ANKUB1: variants seen among roughly 807,000 people sequenced by gnomAD.
ANKUB1 encodes the protein protein ANKUB1.
In ANKUB1, 42 loss-of-function variants were observed where a neutral mutation model predicts 49.3. That is an observed-to-expected ratio of 0.85 (90% confidence interval 0.67 to 1.10). ANKUB1 has a LOEUF of 1.10. ANKUB1 is among the 50% of genes least tolerant of loss of function. The pLI is 0.00. For synonymous variants in ANKUB1, 222 were observed against 231.0 expected, an observed-to-expected ratio of 0.96 and a Z score of 0.35; for missense variants, 613 against 642.0, an observed-to-expected ratio of 0.95 and a Z score of 0.49.
rs1447071454 is a variant in ANKUB1, at chr3:149,770,734, A to G, written c.452-60T>C. 5.8e-6 allele frequency: 6 copies of G among 1,026,368 alleles called. No individual in the cohort carries two copies. In the East Asian group the frequency reaches 1.7e-4, roughly 29 times the overall value. The allele number at this position is 1,026,368 out of a possible 1,614,324, so 63.6% of individuals were successfully genotyped here. On this transcript the variant is annotated intron_variant, in intron 3 of 5. Coordinates refer to ENST00000446160, the MANE Select transcript of ANKUB1 (RefSeq NM_001144960.3). ...CCAGCAGTGTGGTTTGACAATCCATAAAACTTCTAATGGTAGCTTTCCCCA... is the reference window on the plus strand; with the variant it reads ...CCAGCAGTGTGGTTTGACAATCCATGAAACTTCTAATGGTAGCTTTCCCCA...
rs1397302252 is a variant in ANKUB1, at chr3:149,768,050, G to A, written c.612C>T (p.Tyr204=). 2.1e-6 allele frequency: 3 copies of A among 1,453,936 alleles called. No homozygotes were observed. Among genetic ancestry groups the A allele is most frequent in the Admixed American group, 2.7e-5 (1 of 36,546 alleles). 90.1% of individuals were successfully genotyped at this position (1,453,936 alleles called of 1,614,324 possible). ...VALYIAAFCG[Y]IELTEWALKQ... ...TCAGGGCCCATTCAGTGAGTTCAATGTACCCACAAAAAGCAGCAATGTACA... is the reference window on the plus strand; with the variant it reads ...TCAGGGCCCATTCAGTGAGTTCAATATACCCACAAAAAGCAGCAATGTACA... Residue 204 remains tyrosine (Y), a synonymous_variant, in exon 5 of 6, where the codon TAC becomes TAT. Coordinates refer to ENST00000446160, the MANE Select transcript of ANKUB1 (RefSeq NM_001144960.3).
At chr3:149,777,771 C>T (rs1288620947) in intron 3 of ANKUB1, among the ~76,000 whole-genome samples, 4 of 152,230 alleles carry the variant, frequency 2.6e-5, no homozygotes, top group African/African-American at 9.6e-5. Context: ...TACATGCCTT[C>T]AGCCTGCATT....
At chr3:149,790,476 T>C (rs533487475) in intron 2 of ANKUB1, among the ~76,000 whole-genome samples, 1 of 152,278 alleles carries the variant, frequency 6.6e-6, no homozygotes, top group South Asian at 2.1e-4. Context: ...CACATCAAAA[T>C]TCCAGATCTG....
Position 149,761,491 on chromosome 3 carries a change from A to C in ANKUB1, c.1628T>G (p.Val543Gly), listed in dbSNP as rs1367736962. 1.3e-6 allele frequency: 2 copies of C among 1,551,334 alleles called. No individual in the cohort carries two copies. The highest frequency in any genetic ancestry group is 1.4e-5 in the African/African-American group (1 of 73,156). The stretch of plus-strand genomic sequence containing the variant: ...TGAAGTTGTCATGACTTTTCAAAGC[A>C]CAGTTTCTAGAGAGTTTTCACACGC... The part of the protein sequence containing the change: ...LTACENSLET[V>G]L Residue 543 changes from valine to glycine, a missense_variant, in exon 6 of 6, where the codon GTG (valine) becomes GGG (glycine). Val to Gly is a moderately radical substitution (Grantham distance 109). Transcript: ENST00000446160.
At chr3:149,765,822 A>G (rs1437552314) in intron 5 of ANKUB1, among the ~76,000 whole-genome samples, 1 of 152,238 alleles carries the variant, frequency 6.6e-6, no homozygotes, top group Non-Finnish European at 1.5e-5. Flanking sequence ...AGTCAGAGAT[A>G]TCTCACAAAT....
intron 2 of ANKUB1, among the ~76,000 whole-genome samples, chr3:149,789,654 G>T (rs919695141): frequency 6.7e-6 from 1 of 149,196 alleles, no homozygotes; most frequent in African/African-American, 2.5e-5. Flanking sequence ...TTCCGAGATG[G>T]GGTCTCACTC....
intron 3 of ANKUB1, chr3:149,779,461 A>T (rs1433223449): frequency 1.3e-5 from 2 of 152,182 alleles, no homozygotes; most frequent in Non-Finnish European, 2.9e-5. Flanking sequence ...ATGAATCACT[A>T]GTCACTATGC....
intron 3 of ANKUB1, 54 bp downstream of exon 3, chr3:149,780,185 A>G (rs1365632826): frequency 6.9e-7 from 1 of 1,455,728 alleles, no homozygotes; most frequent in South Asian, 1.2e-5. Context: ...AAAATCTGGT[A>G]TCAAAGGACC....
chr3:149,779,982 T>G, intron 3 of ANKUB1: 1 of 466,068 alleles, frequency 2.1e-6, no homozygotes, highest in South Asian at 3.1e-5. Flanking sequence ...TTCAAAACAA[T>G]AATGGTTGCC....
rs1378188289 is a variant in ANKUB1 at position 149,770,608 on chromosome 3, T to A, written c.518A>T (p.Gln173Leu). Residue 173 changes from glutamine to leucine, a missense_variant, in exon 4 of 6, where the codon CAA becomes CTA. Coordinates refer to ENST00000446160, the MANE Select transcript of ANKUB1 (RefSeq NM_001144960.3). ...KEFLMGCLLGQKLKVQRYLSK... is the reference protein window; with the variant it reads ...KEFLMGCLLGLKLKVQRYLSK... ...TAAGTAGCGTTGGACTTTAAGTTTT[T>A]GTCCAAGGAGACAACCCATCAGAAA... The A allele has an allele frequency of 6.5e-7, 1 of 1,550,342 alleles. No individual in the cohort carries two copies. The highest frequency in any genetic ancestry group is 8.7e-7 in the Non-Finnish European group (1 of 1,146,536).
intron 5 of ANKUB1, 110 bp downstream of exon 5, chr3:149,767,047 A>G: frequency 8.6e-7 from 1 of 1,157,888 alleles, no homozygotes; most frequent in Non-Finnish European, 1.2e-6. Flanking sequence ...GATGCACTGG[A>G]ACAACTTGTA....
intron 2 of ANKUB1, among the ~76,000 whole-genome samples, chr3:149,787,801 T>A (rs888485932): frequency 6.6e-6 from 1 of 152,200 alleles, no homozygotes; most frequent in Non-Finnish European, 1.5e-5. Context: ...TCTTTCTCTG[T>A]TTTTCACACA....
chr3:149,767,252 A>C lies in ANKUB1; in HGVS notation c.1410T>G (p.Ser470Arg), dbSNP rs1453571267. 2 of 1,551,652 alleles carry C rather than the reference A, an allele frequency of 1.3e-6. No homozygotes were observed. Among genetic ancestry groups the C allele is most frequent in the East Asian group, 2.4e-5 (1 of 40,928 alleles). ...AGGAGGACTTCAGTAAAAAGTCAGC[A>C]CTGGGTGTTGCATAGAAAAACGATG... ...SHPSFFYATP[S>R]ADFLLKSSFS... Residue 470 changes from serine (S) to arginine (R), a missense_variant, in exon 5 of 6, where the codon AGT (serine) becomes AGG (arginine). Transcript: ENST00000446160.
intron 3 of ANKUB1, among the ~76,000 whole-genome samples, chr3:149,776,856 A>T (rs1389225655): frequency 6.6e-6 from 1 of 152,108 alleles, no homozygotes; most frequent in Non-Finnish European, 1.5e-5. Flanking sequence ...ATGCACCTGT[A>T]GTCCCAGCTA....
Position 149,780,228 on chromosome 3 carries a change from C to G in ANKUB1, c.451+11G>C. The G allele has an allele frequency of 6.4e-7, 1 of 1,550,626 alleles. No individual in the cohort carries two copies. ...CAAATGGTAGCTGATATCAAATATA[C>G]TGGGCAGTACCAATATCAGTCTGGT... On this transcript the variant is annotated intron_variant, in intron 3 of 5. Coordinates refer to ENST00000446160, the MANE Select transcript of ANKUB1 (RefSeq NM_001144960.3).
In ANKUB1 at chr3:149,790,849, G is replaced by A. The variant is rs1435651460; in HGVS notation, c.166C>T (p.Leu56=). ...TCAGCAAGACTCCAACTGTCCTTTA[G>A]AGCAGCTCCAGCATACATTAACTCC... ...YLELMYAGAA[L]KDSWSLADVG... Residue 56 remains leucine, a synonymous_variant, in exon 2 of 6, where the codon CTA becomes TTA. Coordinates refer to ENST00000446160, the MANE Select transcript of ANKUB1 (RefSeq NM_001144960.3). 3.9e-6 allele frequency: 6 copies of A among 1,552,070 alleles called. No individual in the cohort carries two copies. In the Admixed American group the frequency reaches 7.8e-5, roughly 20 times the overall value.
chr3:149,764,600 C>CATCCTTCCTTTCTTCCT (rs71138410), intron 5 of ANKUB1, among the ~76,000 whole-genome samples: 74 of 129,702 alleles, frequency 5.7e-4, no homozygotes, highest in Middle Eastern at 3.8e-3. Flanking sequence ...CCCTTCCTTC[C>CATCCTTCCTTTCTTCCT]TCCCTCCCTC....
At chr3:149,784,091 G>T (rs1347514308) in intron 2 of ANKUB1, among the ~76,000 whole-genome samples, 2 of 152,170 alleles carry the variant, frequency 1.3e-5, no homozygotes, top group Admixed American at 1.3e-4. Flanking sequence ...TGTCAAGATA[G>T]TACAAACTTC....
At chr3:149,780,570 G>A (rs888706835) in intron 2 of ANKUB1, 115 bp from the exon 3 acceptor site, 6 of 738,910 alleles carry the variant, frequency 8.1e-6, no homozygotes, top group Non-Finnish European at 1.4e-5. Flanking sequence ...TAATGTGAAA[G>A]CAATAGTCAG....
Sources: allele counts gnomAD v4.1 joint callset (sites outside exome capture counted in the v4.1 genomes callset), GRCh38; gene constraint gnomAD v4.1.1; transcripts MANE v1.5; gene names NCBI Gene and HGNC (gene_info 2026-07-23, HGNC 2026-07-21).